Variants in OPCML observed in about 807,000 individuals in gnomAD.
OPCML encodes opioid-binding protein/cell adhesion molecule.
In OPCML, 13 loss-of-function variants were observed where a neutral mutation model predicts 37.8. The ratio of observed to expected loss-of-function variants is 0.34; its 90% CI spans 0.22 to 0.55. OPCML has a LOEUF of 0.55. OPCML is among the 20% of genes least tolerant of loss of function. The pLI, the probability that OPCML is intolerant of heterozygous loss-of-function variation, is 0.91. For missense variants in OPCML, 341 were observed against 435.6 expected (o/e 0.78, Z 1.93); for synonymous variants, 176 against 168.8 (o/e 1.04, Z -0.33).
At chr11:133,077,052 T>C (rs942589260) in intron 1 of OPCML, among the ~76,000 whole-genome samples, 2 of 152,096 alleles carry the variant, frequency 1.3e-5, no homozygotes, top group Non-Finnish European at 2.9e-5. Flanking sequence ...GGCCTTGTCC[T>C]TGAGGGAATT....
chr11:132,980,621 T>C (rs1239023755), intron 1 of OPCML, among the ~76,000 whole-genome samples: 2 of 152,154 alleles, frequency 1.3e-5, no homozygotes, highest in Non-Finnish European at 1.5e-5. Context: ...AAGTGTGTTA[T>C]GCAGTCAGAA....
At chr11:132,893,012 T>C (rs1943710072) in intron 2 of OPCML, among the ~76,000 whole-genome samples, 1 of 152,200 alleles carries the variant, frequency 6.6e-6, no homozygotes, top group Non-Finnish European at 1.5e-5. Context: ...TCACTGTTTA[T>C]AATTCCTTCC....
intron 1 of OPCML, among the ~76,000 whole-genome samples, chr11:133,332,990 C>T (rs1385062797): frequency 6.6e-6 from 1 of 151,982 alleles, no homozygotes; most frequent in South Asian, 2.1e-4. Flanking sequence ...AATAGAAAGC[C>T]CAGAAGTAAA....
chr11:132,753,732 G>C (rs1565834825), intron 2 of OPCML, among the ~76,000 whole-genome samples: 1 of 152,124 alleles, frequency 6.6e-6, no homozygotes, highest in Non-Finnish European at 1.5e-5. Flanking sequence ...ACTTCCTCTG[G>C]AGGAAGTGAA....
At chr11:133,512,270 T>C (rs755712109) in intron 1 of OPCML, among the ~76,000 whole-genome samples, 1 of 152,222 alleles carries the variant, frequency 6.6e-6, no homozygotes, top group Non-Finnish European at 1.5e-5. Context: ...CAGTCTTTGA[T>C]TGATTTACTA....
intron 3 of OPCML, among the ~76,000 whole-genome samples, chr11:132,570,804 T>TAGAGAGAGAGAGAG (rs1203341702): frequency 5.5e-5 from 5 of 90,762 alleles, no homozygotes; most frequent in Admixed American, 1.0e-4. Context: ...TATATATATT[T>TAGAGAGAGAGAGAG]AGAGAGAGAG....
intron 1 of OPCML, among the ~76,000 whole-genome samples, chr11:133,308,357 T>G (rs1478129881): frequency 6.6e-6 from 1 of 152,124 alleles, no homozygotes; most frequent in Non-Finnish European, 1.5e-5. Context: ...TGAAACAACC[T>G]AACTTAATAT....
rs530741660 is a variant in OPCML, at chr11:132,489,932, C to T, written c.505+39129G>A. 3.5e-4 allele frequency among the ~76,000 whole-genome samples: 54 copies of T among 152,200 alleles called. 1 individual carries two copies. In the South Asian group the frequency reaches 8.3e-3, roughly 23 times the overall value. ...TTCAGCTCCCATTTATGAGTGAGAA[C>T]ATGCAGTGTTTGGTTTTCTGTTATT... On this transcript the variant is annotated intron_variant, in intron 4 of 7. Coordinates refer to ENST00000524381, the MANE Select transcript of OPCML (RefSeq NM_001012393.5).
chr11:133,109,223 C>T lies in OPCML; in HGVS notation c.62-166213G>A, dbSNP rs185556142. ...TCAACAATGAAGCCACGGAACTTTG[C>T]CGTGGGTGTTACAGCTCTTAAATAT... is the stretch of plus-strand genomic sequence containing the variant. On this transcript the variant is annotated intron_variant, in intron 1 of 7. Transcript: ENST00000524381. Among the ~76,000 whole-genome samples, 146 of 152,254 alleles carry T rather than the reference C, an allele frequency of 9.6e-4. 1 individual carries two copies. Among genetic ancestry groups the T allele is most frequent in the Admixed American group, 1.6e-3 (24 of 15,298 alleles).
intron 1 of OPCML, among the ~76,000 whole-genome samples, chr11:132,962,417 TG>T (rs1946113847): frequency 2.0e-5 from 3 of 152,324 alleles, no homozygotes; most frequent in Non-Finnish European, 4.4e-5. Flanking sequence ...AGCTCCCACA[TG>T]GTAAACAGAC....
At chr11:133,471,673 C>G (rs543361380) in intron 1 of OPCML, among the ~76,000 whole-genome samples, 196 of 152,282 alleles carry the variant, frequency 1.3e-3, no homozygotes, top group African/African-American at 4.5e-3. Context: ...AGAATACTTA[C>G]AGCATATTTT....
At chr11:133,069,301 G>A (rs1190438318) in intron 1 of OPCML, among the ~76,000 whole-genome samples, 1 of 152,158 alleles carries the variant, frequency 6.6e-6, no homozygotes, top group Non-Finnish European at 1.5e-5. Context: ...TACATGGTAG[G>A]CACTTATTTA....
chr11:132,784,565 C>T lies in OPCML; in HGVS notation c.147-127246G>A, dbSNP rs112977160. Among the ~76,000 whole-genome samples the T allele has an allele frequency of 9.3e-4, 142 of 152,134 alleles. 1 individual carries two copies. Among genetic ancestry groups the T allele is most frequent in the African/African-American group, 3.1e-3 (129 of 41,510 alleles). ...TGCTTGCTCTCACTGGACTGATGTG[C>T]GATATGGTTCGAATGCTTTGTCCCC... On this transcript the variant is annotated intron_variant, in intron 2 of 7. Coordinates refer to ENST00000524381, the MANE Select transcript of OPCML (RefSeq NM_001012393.5).
chr11:132,853,489 T>A (rs1941907056), intron 2 of OPCML, among the ~76,000 whole-genome samples: 1 of 152,202 alleles, frequency 6.6e-6, no homozygotes, highest in South Asian at 2.1e-4. Context: ...AAAGTCACCC[T>A]TTTTAGGGAT....
intron 3 of OPCML, among the ~76,000 whole-genome samples, chr11:132,617,963 G>A (rs1939141850): frequency 6.6e-6 from 1 of 152,166 alleles, no homozygotes; most frequent in Non-Finnish European, 1.5e-5. Context: ...TCTATAACAG[G>A]TACCAAGTAA....
rs559245380 is a variant in OPCML at position 132,734,369 on chromosome 11, C to T, written c.147-77050G>A. 2.3e-4 allele frequency among the ~76,000 whole-genome samples: 35 copies of T among 152,266 alleles called. 1 individual carries two copies. The highest frequency in any genetic ancestry group is 7.2e-4 in the African/African-American group (30 of 41,564). On this transcript the variant is annotated intron_variant, in intron 2 of 7. Coordinates refer to ENST00000524381, the MANE Select transcript of OPCML (RefSeq NM_001012393.5). ...ATCACAAAAGGCGTTGCAGTTTCCA[C>T]CTTGGTATTTCTTGAATGACTCACT...
At chr11:133,309,116 C>T (rs1419937422) in intron 1 of OPCML, among the ~76,000 whole-genome samples, 1 of 152,082 alleles carries the variant, frequency 6.6e-6, no homozygotes, top group East Asian at 1.9e-4. Flanking sequence ...CTGATGAATA[C>T]TCAAAAAAAT....
rs562289584 is a variant in OPCML, at chr11:132,482,819, CA to C, written c.506-45461del. Among the ~76,000 whole-genome samples the C allele has an allele frequency of 7.0e-3, 1,059 of 151,344 alleles. 7 individuals are homozygous for C. Among genetic ancestry groups the C allele is most frequent in the African/African-American group, 0.024 (980 of 41,172 alleles). ...TATAAACAGAGCCAAAGACAAAAACCACATGATTATCTCAATAGATGCAGAA... is the reference window on the plus strand; with the variant it reads ...TATAAACAGAGCCAAAGACAAAAACCCATGATTATCTCAATAGATGCAGAA... On this transcript the variant is annotated intron_variant, in intron 4 of 7. Transcript: ENST00000524381.
intron 2 of OPCML, among the ~76,000 whole-genome samples, chr11:132,900,798 C>G (rs1944033784): frequency 6.6e-6 from 1 of 152,112 alleles, no homozygotes; most frequent in Non-Finnish European, 1.5e-5. Flanking sequence ...TTAACTAGTC[C>G]AAATCTTCCT....
Sources: allele counts gnomAD v4.1 joint callset (sites outside exome capture counted in the v4.1 genomes callset), GRCh38; gene constraint gnomAD v4.1.1; transcripts MANE v1.5; gene names NCBI Gene and HGNC (gene_info 2026-07-23, HGNC 2026-07-21).